TMPRSS11E: variants seen among roughly 807,000 people sequenced by gnomAD.
TMPRSS11E encodes the protein transmembrane serine protease 11E, also known as transmembrane protease serine 11E.
In TMPRSS11E, 38 loss-of-function variants were observed where a neutral mutation model predicts 48.1. The observed-to-expected ratio is 0.79, with a 90% confidence interval of 0.61 to 1.04. The LOEUF (loss-of-function observed/expected upper bound fraction) is 1.04, where lower values mean the gene tolerates loss of function less well. Among genes scored for constraint, TMPRSS11E ranks in the 50% least tolerant of loss-of-function variants. TMPRSS11E has a pLI of 0.00. For synonymous variants in TMPRSS11E, 158 were observed against 171.9 expected (o/e 0.92, Z 0.63); for missense variants, 530 against 510.8 (o/e 1.04, Z -0.36).
At chr4:68,458,814 G>A (rs988078292) in intron 1 of TMPRSS11E, among the ~76,000 whole-genome samples, 8 of 152,082 alleles carry the variant, frequency 5.3e-5, no homozygotes, top group African/African-American at 1.9e-4. Flanking sequence ...AATGTTTCAA[G>A]TGACAAACAT....
At chr4:68,448,997 T>A (rs1226431472) in intron 1 of TMPRSS11E, among the ~76,000 whole-genome samples, 1 of 151,708 alleles carries the variant, frequency 6.6e-6, no homozygotes. Flanking sequence ...CTTCTTAAGG[T>A]CATTGGTTTT....
chr4:68,468,941 G>T lies in TMPRSS11E; in HGVS notation c.321G>T (p.Lys107Asn). 1 of 1,609,960 alleles carries T rather than the reference G, an allele frequency of 6.2e-7. No individual in the cohort carries two copies. Among genetic ancestry groups the T allele is most frequent in the South Asian group, 1.1e-5 (1 of 90,864 alleles). The change falls in exon 4 of 10, where the codon AAG becomes AAT. Residue 107 changes from lysine (K) to asparagine (N), a missense_variant. Transcript: ENST00000305363. ...REEFVKSQVIKFSQQKHGVLA... is the reference protein window; with the variant it reads ...REEFVKSQVINFSQQKHGVLA... ...AATTTGTCAAGTCTCAGGTTATCAA[G>T]TTCAGGTATGTAAATCTGAATTGCT...
At chr4:68,455,790 T>C (rs1294086981) in intron 1 of TMPRSS11E, among the ~76,000 whole-genome samples, 1 of 151,984 alleles carries the variant, frequency 6.6e-6, no homozygotes, top group East Asian at 1.9e-4. Context: ...CTCGTTAACT[T>C]TGCTGTGGGA....
chr4:68,493,996 G>A (rs1729802020), intron 9 of TMPRSS11E, among the ~76,000 whole-genome samples: 1 of 151,996 alleles, frequency 6.6e-6, no homozygotes, highest in African/African-American at 2.4e-5. Flanking sequence ...GAAATTTGCT[G>A]ATTTCTTTCC....
At position 68,491,328 on chromosome 4, in the gene TMPRSS11E, A is replaced by G. The variant is rs568877347; in HGVS notation, c.1111-5315A>G. ...AAAAAAAAAAAAAAAAAAAAAATTG[A>G]GAGAGCTCACTCTTGTATCATTCCT... On this transcript the variant is annotated intron_variant, in intron 9 of 9. Transcript: ENST00000305363. Among the ~76,000 whole-genome samples the G allele has an allele frequency of 1.3e-4, 17 of 133,920 alleles. No individual in the cohort carries two copies. The East Asian group carries it at 3.4e-3, about 27-fold the overall frequency. 87.9% of individuals were successfully genotyped at this position (133,920 alleles called of 152,430 possible).
chr4:68,472,611 G>A (rs1385150468), intron 5 of TMPRSS11E, among the ~76,000 whole-genome samples: 1 of 151,970 alleles, frequency 6.6e-6, no homozygotes, highest in Admixed American at 6.6e-5. Context: ...CAAGTAGAGA[G>A]AATGAATACA....
chr4:68,459,153 A>G (rs1300003082), intron 1 of TMPRSS11E, among the ~76,000 whole-genome samples: 1 of 152,062 alleles, frequency 6.6e-6, no homozygotes, highest in Non-Finnish European at 1.5e-5. Flanking sequence ...TTTGTCCCAT[A>G]TTATCCCTTT....
At chr4:68,466,554 C>T (rs1212797472) in intron 2 of TMPRSS11E, 77 bp from the exon 3 acceptor site, 2 of 1,513,580 alleles carry the variant, frequency 1.3e-6, no homozygotes, top group African/African-American at 1.4e-5. Context: ...CTTCCAGCAA[C>T]CACCAAGCGG....
In TMPRSS11E at chr4:68,471,515, A is replaced by C. The variant is rs543569632; in HGVS notation, c.382A>C (p.Thr128Pro). 1.2e-4 allele frequency: 197 copies of C among 1,609,516 alleles called. No individual in the cohort carries two copies. The South Asian group carries it at 2.0e-3, about 17-fold the overall frequency. The change falls in exon 5 of 10, where the codon ACT (threonine) becomes CCT (proline). Residue 128 changes from threonine to proline, a missense_variant. Thr to Pro is a conservative substitution (Grantham distance 38). Coordinates refer to ENST00000305363, the MANE Select transcript of TMPRSS11E (RefSeq NM_014058.4). Reference sequence around the variant, plus strand: ...GCTGTTGATTTGTAGATTTCACTCTACTGAGGATCCTGAAACTGTAGATAA... The same window carrying C: ...GCTGTTGATTTGTAGATTTCACTCTCCTGAGGATCCTGAAACTGTAGATAA... ...HMLLICRFHS[T>P]EDPETVDKIV...
At chr4:68,450,081 T>C (rs1456885003) in intron 1 of TMPRSS11E, among the ~76,000 whole-genome samples, 1 of 151,376 alleles carries the variant, frequency 6.6e-6, no homozygotes, top group African/African-American at 2.4e-5. Context: ...CCTGTGACAT[T>C]AGTCAGTATG....
At chr4:68,470,700 A>T (rs142020294) in intron 4 of TMPRSS11E, among the ~76,000 whole-genome samples, 16 of 151,886 alleles carry the variant, frequency 1.1e-4, no homozygotes, top group African/African-American at 3.4e-4. Flanking sequence ...GTGAAGAGTT[A>T]GATTCAGAAG....
intron 8 of TMPRSS11E, among the ~76,000 whole-genome samples, chr4:68,478,010 A>G (rs1729280540): frequency 1.3e-5 from 2 of 152,174 alleles, no homozygotes; most frequent in African/African-American, 4.8e-5. Context: ...TGTAATCTTA[A>G]CAATGGAGTG....
chr4:68,457,789 G>A (rs552825087), intron 1 of TMPRSS11E, among the ~76,000 whole-genome samples: 6 of 149,934 alleles, frequency 4.0e-5, no homozygotes, highest in East Asian at 1.9e-4. Context: ...GCAGGGACAC[G>A]GATGAAGCCG....
chr4:68,461,025 C>T (rs371493830), intron 1 of TMPRSS11E, among the ~76,000 whole-genome samples: 2 of 151,964 alleles, frequency 1.3e-5, no homozygotes, highest in Admixed American at 1.3e-4. Flanking sequence ...GGACTACAGG[C>T]GCCTGCCACC....
chr4:68,449,193 T>A (rs959804343), intron 1 of TMPRSS11E, among the ~76,000 whole-genome samples: 12 of 151,672 alleles, frequency 7.9e-5, no homozygotes. Context: ...CTTCTTGTAC[T>A]GCCATTTTCT....
At chr4:68,448,452 G>A (rs1443638939) in intron 1 of TMPRSS11E, among the ~76,000 whole-genome samples, 1 of 151,910 alleles carries the variant, frequency 6.6e-6, no homozygotes, top group Non-Finnish European at 1.5e-5. Flanking sequence ...CCTTTTGCAA[G>A]TATTTCTTTA....
intron 9 of TMPRSS11E, among the ~76,000 whole-genome samples, chr4:68,490,409 T>C (rs1729682824): frequency 6.6e-6 from 1 of 152,192 alleles, no homozygotes; most frequent in Non-Finnish European, 1.5e-5. Context: ...TTAAATTTTC[T>C]ATTTAACCAT....
rs367830655 is a variant in TMPRSS11E at position 68,466,638 on chromosome 4, G to T, written c.144G>T (p.Lys48Asn). The T allele has an allele frequency of 6.2e-7, 1 of 1,612,166 alleles. No individual in the cohort carries two copies. The change falls in exon 3 of 10, where the codon AAG becomes AAT. Residue 48 changes from lysine to asparagine, a missense_variant. Lys to Asn is a moderately conservative substitution (Grantham distance 94). Transcript: ENST00000305363. ...TTGCTTCTTTCCTTGTAGATCAAAA[G>T]AAGACCTACAATTACTATAGCACAT... ...LTVHYVRYNQ[K>N]KTYNYYSTLS... is the part of the protein sequence containing the mutation.
intron 9 of TMPRSS11E, among the ~76,000 whole-genome samples, chr4:68,485,080 G>C (rs1729514432): frequency 6.6e-6 from 1 of 152,078 alleles, no homozygotes; most frequent in South Asian, 2.1e-4. Context: ...TTGGTTATGG[G>C]GTTGTCATAG....
Sources: allele counts gnomAD v4.1 joint callset (sites outside exome capture counted in the v4.1 genomes callset), GRCh38; gene constraint gnomAD v4.1.1; transcripts MANE v1.5; gene names NCBI Gene and HGNC (gene_info 2026-07-23, HGNC 2026-07-21).